EYA2: variants seen among roughly 807,000 people sequenced by gnomAD.
EYA2 encodes protein phosphatase EYA2.
EYA2 carries 31 observed loss-of-function variants against 69.2 expected under a neutral mutation model. The observed-to-expected ratio is 0.45, with a 90% CI of 0.34 to 0.60. The LOEUF (loss-of-function observed/expected upper bound fraction) is 0.60. EYA2 is among the 20% of genes least tolerant of loss of function. The pLI is 0.02. For synonymous variants in EYA2, 257 were observed against 279.4 expected (o/e 0.92, Z 0.80); for missense variants, 622 against 701.2 (o/e 0.89, Z 1.28).
intron 1 of EYA2, among the ~76,000 whole-genome samples, chr20:46,940,342 C>A (rs1401601409): frequency 6.6e-6 from 1 of 152,148 alleles, no homozygotes; most frequent in Admixed American, 6.5e-5. Flanking sequence ...TTGTGATGGA[C>A]AGTTTTGCAG....
At chr20:47,127,266 T>C (rs1276006389) in intron 9 of EYA2, among the ~76,000 whole-genome samples, 1 of 152,160 alleles carries the variant, frequency 6.6e-6, no homozygotes, top group African/African-American at 2.4e-5. Context: ...AGTCCCCAAA[T>C]TCCCAAACAT....
At chr20:47,185,294 T>C (rs1320779636) in intron 15 of EYA2, among the ~76,000 whole-genome samples, 22 of 29,152 alleles carry the variant, frequency 7.5e-4, no homozygotes, top group Non-Finnish European at 4.7e-4. Context: ...TTTTTTTTTT[T>C]TTTTTTTTTT....
At chr20:47,064,667 C>A (rs2031041280) in intron 5 of EYA2, among the ~76,000 whole-genome samples, 1 of 152,068 alleles carries the variant, frequency 6.6e-6, no homozygotes. Flanking sequence ...CTTTTTCTAT[C>A]TTTATTATGG....
intron 7 of EYA2, among the ~76,000 whole-genome samples, chr20:47,081,675 A>G (rs1432700806): frequency 1.3e-5 from 2 of 150,864 alleles, no homozygotes; most frequent in Non-Finnish European, 3.0e-5. Flanking sequence ...GCTACTCAGG[A>G]GGCTGAGGCA....
intron 5 of EYA2, among the ~76,000 whole-genome samples, chr20:47,029,589 A>T (rs1984288719): frequency 6.6e-6 from 1 of 152,184 alleles, no homozygotes; most frequent in South Asian, 2.1e-4. Flanking sequence ...TGTCTCTTAC[A>T]TCCTTTTCCT....
chr20:47,043,491 T>G (rs555300938), intron 5 of EYA2, among the ~76,000 whole-genome samples: 1 of 152,268 alleles, frequency 6.6e-6, no homozygotes, highest in South Asian at 2.1e-4. Context: ...CAGGCCGCAT[T>G]CTTTTGTGAG....
At chr20:47,125,760 T>A (rs1191692014) in intron 9 of EYA2, among the ~76,000 whole-genome samples, 1 of 152,224 alleles carries the variant, frequency 6.6e-6, no homozygotes, top group Non-Finnish European at 1.5e-5. Context: ...AATTAATACT[T>A]TTCTTCCTTG....
chr20:46,943,188 G>A (rs539341492), intron 1 of EYA2, among the ~76,000 whole-genome samples: 19 of 152,144 alleles, frequency 1.2e-4, no homozygotes, highest in Admixed American at 2.6e-4. Flanking sequence ...GGCGTGCTGC[G>A]GGCGCCTAGT....
At chr20:47,131,315 C>T (rs1295621129) in intron 9 of EYA2, among the ~76,000 whole-genome samples, 1 of 152,176 alleles carries the variant, frequency 6.6e-6, no homozygotes, top group Non-Finnish European at 1.5e-5. Context: ...TCAACTATTA[C>T]AACGAACAAA....
rs2034624723 is a variant in EYA2, at chr20:47,185,612, C to CT, written c.1536+2224dup. ...CCACCACACTCAGCCAAATTACACTCTTTAAAGAGGGCAGGATTGGCCAGG... is the reference window on the plus strand; with the variant it reads ...CCACCACACTCAGCCAAATTACACTCTTTTAAAGAGGGCAGGATTGGCCAGG... On this transcript the variant is annotated intron_variant, in intron 15 of 15. Coordinates refer to ENST00000327619, the MANE Select transcript of EYA2 (RefSeq NM_005244.5). Among the ~76,000 whole-genome samples the CT allele has an allele frequency of 2.6e-5, 4 of 152,194 alleles. No individual in the cohort carries two copies. In the South Asian group the frequency reaches 8.3e-4, roughly 32 times the overall value.
At chr20:47,089,406 C>G (rs1279777237) in intron 8 of EYA2, 25 bp downstream of exon 8, 1 of 1,598,644 alleles carries the variant, frequency 6.3e-7, no homozygotes, top group Admixed American at 1.7e-5. Flanking sequence ...CTCTGTGTGA[C>G]CTGGTGAATG....
At chr20:46,984,454 T>C (rs1887713425) in intron 1 of EYA2, among the ~76,000 whole-genome samples, 1 of 151,956 alleles carries the variant, frequency 6.6e-6, no homozygotes, top group Admixed American at 6.6e-5. Flanking sequence ...TTTCCAAACA[T>C]TCATATGGCC....
intron 15 of EYA2, 42 bp from the exon 16 acceptor site, chr20:47,188,011 G>A: frequency 6.5e-7 from 1 of 1,549,912 alleles, no homozygotes; most frequent in South Asian, 1.2e-5. Context: ...CCCGGGGGCA[G>A]GGGCGGGGCC....
intron 15 of EYA2, among the ~76,000 whole-genome samples, chr20:47,184,127 G>C (rs867334139): frequency 1.3e-5 from 2 of 152,192 alleles, no homozygotes; most frequent in South Asian, 2.1e-4. Context: ...TGCAGGCACT[G>C]TTCCCTCCAC....
intron 5 of EYA2, among the ~76,000 whole-genome samples, chr20:47,070,407 T>G (rs1349801710): frequency 1.3e-5 from 2 of 152,232 alleles, no homozygotes; most frequent in Non-Finnish European, 2.9e-5. Context: ...GACCAAGTGC[T>G]GGAGAATCGA....
At chr20:47,073,501 G>GC (rs1568760504) in intron 6 of EYA2, among the ~76,000 whole-genome samples, 1 of 151,828 alleles carries the variant, frequency 6.6e-6, no homozygotes. Context: ...TCGTGGGGGG[G>GC]GGGTGCAGTG....
chr20:47,180,716 G>A lies in EYA2; in HGVS notation c.1314-99G>A, dbSNP rs2034521733. ...TGAAGATGACAGCCATAGCCTCCAAGCCTACCAGATTTCCCGCCAACTGCA... is the reference window on the plus strand; with the variant it reads ...TGAAGATGACAGCCATAGCCTCCAAACCTACCAGATTTCCCGCCAACTGCA... On this transcript the variant is annotated intron_variant, in intron 13 of 15. Transcript: ENST00000327619. 4.1e-6 allele frequency: 6 copies of A among 1,467,268 alleles called. No individual in the cohort carries two copies. The Admixed American group carries it at 7.8e-5, about 19-fold the overall frequency. 90.9% of individuals were successfully genotyped at this position (1,467,268 alleles called of 1,614,324 possible).
chr20:46,920,231 G>GC (rs1555803078), intron 1 of EYA2, among the ~76,000 whole-genome samples: 2 of 40,428 alleles, frequency 4.9e-5, no homozygotes, highest in Non-Finnish European at 1.7e-4. Context: ...ACTTTAATTT[G>GC]TTTAAAAAAA....
chr20:47,130,517 G>A (rs965700294), intron 9 of EYA2, among the ~76,000 whole-genome samples: 8 of 151,542 alleles, frequency 5.3e-5, no homozygotes, highest in South Asian at 2.1e-4. Flanking sequence ...CACCCGCCTC[G>A]GCCTCCCAAA....
Sources: allele counts gnomAD v4.1 joint callset (sites outside exome capture counted in the v4.1 genomes callset), GRCh38; gene constraint gnomAD v4.1.1; transcripts MANE v1.5; gene names NCBI Gene and HGNC (gene_info 2026-07-23, HGNC 2026-07-21).